The following C4orf51 variants were observed in gnomAD, a reference collection of about 807,000 sequenced individuals.
The protein encoded by C4orf51 is uncharacterized protein C4orf51.
A neutral mutation model predicts 25.2 loss-of-function variants in C4orf51; 25 were observed. The ratio of observed to expected loss-of-function variants is 0.99; its 90% CI spans 0.72 to 1.39. The LOEUF is 1.39. Among genes scored for constraint, C4orf51 ranks in the 40% most tolerant of loss-of-function variants. The pLI is 0.00. For missense variants in C4orf51, 252 were observed against 239.6 expected, an observed-to-expected ratio of 1.05 and a Z score of -0.34; for synonymous variants, 100 against 84.5, an observed-to-expected ratio of 1.18 and a Z score of -1.01.
chr4:145,740,240 C>CAAAAAAAAAAAAAAAAAAAAAAAAA, intron 1 of C4orf51, among the ~76,000 whole-genome samples: 1 of 104,804 alleles, frequency 9.5e-6, no homozygotes, highest in African/African-American at 4.1e-5. Context: ...TCCCTTTCTG[C>CAAAAAAAAAAAAAAAAAAAAAAAAA]AAAAAAAAAA....
At chr4:145,690,176 C>T (rs2126668490) in intron 1 of C4orf51, among the ~76,000 whole-genome samples, 1 of 138,536 alleles carries the variant, frequency 7.2e-6, no homozygotes, top group South Asian at 2.3e-4. Context: ...CATCACACTC[C>T]AGCTTGGGCA....
chr4:145,750,841 T>A (rs1204722769), intron 1 of C4orf51, among the ~76,000 whole-genome samples: 1 of 152,172 alleles, frequency 6.6e-6, no homozygotes, highest in Non-Finnish European at 1.5e-5. Flanking sequence ...TTAATTCTTT[T>A]TTATTTTATC....
chr4:145,729,393 C>CTGG (rs1732306909), intron 4 of C4orf51, among the ~76,000 whole-genome samples, 164 bp downstream of exon 4: 1 of 147,758 alleles, frequency 6.8e-6, no homozygotes, highest in South Asian at 2.2e-4. Context: ...GCTCTGCCTC[C>CTGG]CACGTTCACG....
chr4:145,715,136 GT>G (rs1485104525), intron 2 of C4orf51, among the ~76,000 whole-genome samples: 6 of 152,216 alleles, frequency 3.9e-5, no homozygotes, highest in African/African-American at 1.4e-4. Flanking sequence ...AGTGATGCAT[GT>G]GGGGCATTGG....
chr4:145,773,233 GC>G (rs1200333716), downstream of C4orf51, among the ~76,000 whole-genome samples: 1 of 152,192 alleles, frequency 6.6e-6, no homozygotes, highest in Non-Finnish European at 1.5e-5. Flanking sequence ...CTCACCTGCT[GC>G]CCACAGGCTA....
the C4orf51 span, among the ~76,000 whole-genome samples, chr4:145,783,737 G>A: frequency 6.6e-6 from 1 of 152,198 alleles, no homozygotes. Context: ...AGAAATGGCT[G>A]GGACTCTGGC....
chr4:145,723,245 T>C (rs1731845325), intron 2 of C4orf51, among the ~76,000 whole-genome samples: 3 of 152,186 alleles, frequency 2.0e-5, no homozygotes, highest in Admixed American at 2.0e-4. Context: ...TAAGTTGTAT[T>C]GTTCACATTT....
rs1359513208 is a variant in C4orf51 at position 145,693,222 on chromosome 4, T to G, written c.234-3337T>G. Among the ~76,000 whole-genome samples, 14 of 149,540 alleles carry G rather than the reference T, an allele frequency of 9.4e-5. 1 individual carries two copies. The highest frequency in any genetic ancestry group is 2.2e-4 in the South Asian group (1 of 4,590). On this transcript the variant is annotated intron_variant, in intron 1 of 5. Transcript: ENST00000438731. The stretch of plus-strand genomic sequence containing the variant: ...GTCCCTGATTACTTGAGATTAGGGA[T>G]TGGTGATGACTCTTAACGAGCATGC...
At chr4:145,730,283 G>C (rs555753281) in intron 5 of C4orf51, among the ~76,000 whole-genome samples, 9 of 152,308 alleles carry the variant, frequency 5.9e-5, no homozygotes, top group African/African-American at 2.2e-4. Flanking sequence ...GGTTCTGCCT[G>C]TTGTGAAAAA....
chr4:145,686,565 TGTCAAA>T (rs982543213), intron 1 of C4orf51, among the ~76,000 whole-genome samples: 2 of 152,090 alleles, frequency 1.3e-5, no homozygotes, highest in African/African-American at 4.8e-5. Flanking sequence ...TTGCACAAAT[TGTCAAA>T]GTCAACTTTT....
chr4:145,735,276 A>T (rs944695938), downstream of C4orf51, among the ~76,000 whole-genome samples: 3 of 152,208 alleles, frequency 2.0e-5, no homozygotes, highest in African/African-American at 7.2e-5. Flanking sequence ...CCGAGGTGCC[A>T]TTCCTCACGC....
chr4:145,729,296 G>GTTT (rs1560852505), intron 4 of C4orf51, 67 bp downstream of exon 4: 80 of 331,136 alleles, frequency 2.4e-4, no homozygotes, highest in Middle Eastern at 8.2e-4. Context: ...GTGGTCATGT[G>GTTT]ATTTTTTTTT....
chr4:145,778,330 C>T, the C4orf51 span, among the ~76,000 whole-genome samples: 233 of 152,322 alleles, frequency 1.5e-3, no homozygotes, highest in African/African-American at 5.5e-3. Context: ...GATGGGGTTT[C>T]ACCACTTTGG....
chr4:145,759,402 C>T (rs1266319980), intron 1 of C4orf51: 3 of 152,148 alleles, frequency 2.0e-5, no homozygotes, highest in Admixed American at 1.3e-4. Flanking sequence ...TTAATGACCA[C>T]AAAATAAGAG....
chr4:145,692,192 T>C (rs184311305), intron 1 of C4orf51, among the ~76,000 whole-genome samples: 32 of 152,302 alleles, frequency 2.1e-4, no homozygotes, highest in African/African-American at 7.0e-4. Flanking sequence ...TACTATTCAT[T>C]GACAGAAGAG....
At chr4:145,768,396 C>G (rs887703062) in intron 1 of C4orf51, among the ~76,000 whole-genome samples, 1 of 152,104 alleles carries the variant, frequency 6.6e-6, no homozygotes, top group Non-Finnish European at 1.5e-5. Flanking sequence ...AACTCCTGAC[C>G]TCAAGTGATC....
intron 1 of C4orf51, chr4:145,764,905 C>T (rs1350703233): frequency 5.0e-6 from 8 of 1,600,686 alleles, no homozygotes; most frequent in Non-Finnish European, 6.8e-6. Context: ...CTCCCAAAAC[C>T]TTCACGGGAA....
At chr4:145,724,422 G>A (rs1280742966) in intron 2 of C4orf51, among the ~76,000 whole-genome samples, 1 of 151,952 alleles carries the variant, frequency 6.6e-6, no homozygotes, top group Non-Finnish European at 1.5e-5. Context: ...AAGTTTATCA[G>A]CATAAAATAG....
intron 1 of C4orf51, among the ~76,000 whole-genome samples, chr4:145,687,060 A>G (rs1039218051): frequency 6.6e-6 from 1 of 152,106 alleles, no homozygotes; most frequent in Admixed American, 6.6e-5. Flanking sequence ...GGGCCCCCAA[A>G]TCACTAAGCT....
Sources: allele counts gnomAD v4.1 joint callset (sites outside exome capture counted in the v4.1 genomes callset), GRCh38; gene constraint gnomAD v4.1.1; transcripts MANE v1.5; gene names NCBI Gene and HGNC (gene_info 2026-07-23, HGNC 2026-07-21).